ANXA6: variants seen among roughly 807,000 people sequenced by gnomAD.
The protein encoded by ANXA6 is annexin A6.
ANXA6 carries 71 observed loss-of-function variants against 95.4 expected under a neutral mutation model. The observed-to-expected ratio is 0.74, with a 90% CI of 0.61 to 0.91. The LOEUF is 0.91. Ranked by LOEUF, ANXA6 falls within the 40% of genes least tolerant of loss-of-function variation. ANXA6 has a pLI of 0.00. For synonymous variants in ANXA6, 289 were observed against 315.9 expected (o/e 0.91, Z 0.90); for missense variants, 830 against 876.4 (o/e 0.95, Z 0.67).
At chr5:151,105,167 G>T in intron 24 of ANXA6, 78 bp downstream of exon 24, 3 of 1,315,498 alleles carry the variant, frequency 2.3e-6, no homozygotes, top group Non-Finnish European at 3.3e-6. Flanking sequence ...TGATCTGGGG[G>T]ATGGTGCACA....
At chr5:151,140,122 C>A in intron 3 of ANXA6, 31 bp downstream of exon 3, 1 of 1,605,522 alleles carries the variant, frequency 6.2e-7, no homozygotes, top group Non-Finnish European at 8.5e-7. Context: ...TGGGGGATAC[C>A]CCTCAAGCTC....
At chr5:151,117,917 G>T in intron 18 of ANXA6, 80 bp from the exon 19 acceptor site, 2 of 1,210,512 alleles carry the variant, frequency 1.7e-6, no homozygotes, top group East Asian at 4.9e-5. Flanking sequence ...GGAAACTCAG[G>T]CTTGAGCCAG....
intron 16 of ANXA6, 117 bp downstream of exon 16, chr5:151,122,800 G>A (rs753718750): frequency 9.7e-6 from 8 of 828,254 alleles, no homozygotes; most frequent in Non-Finnish European, 1.6e-5. Context: ...GACCACACAG[G>A]GTCCCTCTGC....
At chr5:151,139,208 G>A in intron 4 of ANXA6, 145 bp downstream of exon 4, 1 of 627,934 alleles carries the variant, frequency 1.6e-6, no homozygotes, top group Non-Finnish European at 2.8e-6. Context: ...ACGCCCAGCT[G>A]ATGAGAAGAA....
intron 21 of ANXA6, among the ~76,000 whole-genome samples, chr5:151,110,384 G>A (rs1669015348): frequency 6.6e-6 from 1 of 152,200 alleles, no homozygotes; most frequent in African/African-American, 2.4e-5. Context: ...TTAAGAGTGA[G>A]TCGATTTAAA....
chr5:151,117,005 A>AC (rs1765017552), intron 20 of ANXA6, 122 bp downstream of exon 20: 2 of 860,654 alleles, frequency 2.3e-6, no homozygotes, highest in Non-Finnish European at 1.7e-6. Flanking sequence ...AACCAATCAA[A>AC]CCAACCACGC....
intron 5 of ANXA6, among the ~76,000 whole-genome samples, chr5:151,137,665 T>C (rs1224636378): frequency 6.6e-6 from 1 of 152,104 alleles, no homozygotes; most frequent in Non-Finnish European, 1.5e-5. Context: ...ATCTGGTTGT[T>C]TAAAAGTATG....
intron 20 of ANXA6, among the ~76,000 whole-genome samples, chr5:151,115,977 T>C (rs763220487): frequency 2.0e-5 from 3 of 152,230 alleles, no homozygotes; most frequent in Non-Finnish European, 2.9e-5. Context: ...AGAAATTCTT[T>C]CATTGAAGAG....
intron 17 of ANXA6, among the ~76,000 whole-genome samples, chr5:151,120,311 CTGAT>C (rs1765127038): frequency 6.6e-6 from 1 of 151,126 alleles, no homozygotes; most frequent in South Asian, 2.1e-4. Context: ...GCAAGATTGA[CTGAT>C]TGATTGACTG....
chr5:151,154,276 T>G (rs536272473), intron 1 of ANXA6, among the ~76,000 whole-genome samples: 42 of 148,468 alleles, frequency 2.8e-4, no homozygotes, highest in Non-Finnish European at 5.6e-4. Context: ...GATAAGGTGA[T>G]GTCATATGGC....
At position 151,128,238 on chromosome 5, in the gene ANXA6, T is replaced by C. The variant is rs373458400; in HGVS notation, c.920A>G (p.Asn307Ser). ...CTTCTTGTACTCGCCAGAGGTGTCA[T>C]TCTGAAGAGAAAGAAAGAAAGGTTA... is the stretch of plus-strand genomic sequence containing the variant. ...YEKSLYSMIK[N>S]DTSGEYKKTL... Residue 307 changes from asparagine to serine, a missense_variant and splice_region_variant, in exon 13 of 26, where the codon AAT becomes AGT. Transcript: ENST00000354546. 15 of 1,609,844 alleles carry C rather than the reference T, an allele frequency of 9.3e-6. No individual in the cohort carries two copies. Among genetic ancestry groups the C allele is most frequent in the African/African-American group, 2.7e-5 (2 of 74,852 alleles).
rs373658825 is a variant in ANXA6 at position 151,126,409 on chromosome 5, C to A, written c.1049G>T (p.Arg350Leu). 3.1e-6 allele frequency: 5 copies of A among 1,608,892 alleles called. No individual in the cohort carries two copies. The highest frequency in any genetic ancestry group is 1.7e-5 in the Admixed American group (1 of 59,344). Residue 350 changes from arginine to leucine, a missense_variant, in exon 14 of 26, where the codon CGA becomes CTA. By Grantham distance (102) the Arg-to-Leu change is moderately radical. Coordinates refer to ENST00000354546, the MANE Select transcript of ANXA6 (RefSeq NM_001155.5). ...AGGAGGGGAAGGTCTGACCTCTACTCGGGCCACTGCACTAAGTTCCCACAT... is the reference window on the plus strand; with the variant it reads ...AGGAGGGGAAGGTCTGACCTCTACTAGGGCCACTGCACTAAGTTCCCACAT... ...YQMWELSAVA[R>L]VELKGTVRPA...
At chr5:151,131,161 C>A in intron 11 of ANXA6, 70 bp downstream of exon 11, 2 of 1,539,294 alleles carry the variant, frequency 1.3e-6, no homozygotes, top group South Asian at 2.3e-5. Flanking sequence ...GCCACTGGAT[C>A]CCAAGGACTT....
At chr5:151,132,386 G>T in intron 10 of ANXA6, 90 bp downstream of exon 10, 1 of 991,292 alleles carries the variant, frequency 1.0e-6, no homozygotes, top group Non-Finnish European at 1.5e-6. Flanking sequence ...TCTATACCAT[G>T]TAATTCCCCT....
At chr5:151,105,352 A>T in intron 23 of ANXA6, 49 bp from the exon 24 acceptor site, 1 of 1,565,120 alleles carries the variant, frequency 6.4e-7, no homozygotes, top group Non-Finnish European at 8.8e-7. Flanking sequence ...GAGGCTGTGA[A>T]CCCAGACTCT....
intron 18 of ANXA6, among the ~76,000 whole-genome samples, chr5:151,118,574 C>T (rs770900453): frequency 7.9e-5 from 12 of 152,116 alleles, no homozygotes; most frequent in Non-Finnish European, 1.2e-4. Context: ...GCTGGGGCTA[C>T]AGGCGCATGC....
At chr5:151,109,374 T>TGCC (rs979927748) in intron 22 of ANXA6, among the ~76,000 whole-genome samples, 2 of 152,286 alleles carry the variant, frequency 1.3e-5, no homozygotes, top group Non-Finnish European at 2.9e-5. Flanking sequence ...GTGGGTCTTG[T>TGCC]GCCACCACCA....
chr5:151,128,986 A>C (rs1765411517), intron 12 of ANXA6, among the ~76,000 whole-genome samples: 1 of 150,104 alleles, frequency 6.7e-6, no homozygotes, highest in Admixed American at 6.6e-5. Flanking sequence ...AGCTTTACAT[A>C]TGTCTCCTGA....
chr5:151,137,397 G>A (rs1383742819), intron 5 of ANXA6, 76 bp from the exon 6 acceptor site: 3 of 1,242,898 alleles, frequency 2.4e-6, no homozygotes, highest in African/African-American at 1.5e-5. Flanking sequence ...ATCAGGGAGT[G>A]GCCAGAGCTA....
Sources: gnomAD v4.1 joint callset for allele counts (sites outside exome capture counted in the v4.1 genomes callset) on GRCh38, gnomAD v4.1.1 for gene constraint, MANE v1.5 for transcripts, NCBI Gene and HGNC (gene_info 2026-07-23, HGNC 2026-07-21) for gene names.